TBPL2: variants seen among roughly 807,000 people sequenced by gnomAD.
TBPL2 encodes the protein TATA-box binding protein like 2, also known as TATA box-binding protein-like 2.
Under a neutral mutation model 38.2 loss-of-function variants are expected in TBPL2, and 40 were observed. The observed-to-expected ratio is 1.05, with a 90% CI of 0.81 to 1.36. The LOEUF is 1.36. Among genes scored for constraint, TBPL2 ranks in the 40% most tolerant of loss-of-function variants. The probability of loss-of-function intolerance (pLI) is 0.00; values close to 1 mark genes in which losing one functional copy is unlikely to be tolerated. For missense variants in TBPL2, 461 were observed against 456.7 expected (o/e 1.01, Z -0.09); for synonymous variants, 169 against 171.7 (o/e 0.98, Z 0.12).
chr14:55,426,879 C>A (rs1398181305), intron 5 of TBPL2, among the ~76,000 whole-genome samples: 1 of 152,178 alleles, frequency 6.6e-6, no homozygotes, highest in Non-Finnish European at 1.5e-5. Context: ...CTATTCTAGA[C>A]TTAGATCTGC....
intron 6 of TBPL2, among the ~76,000 whole-genome samples, chr14:55,420,828 G>A (rs762413873): frequency 6.6e-6 from 1 of 152,110 alleles, no homozygotes; most frequent in African/African-American, 2.4e-5. Flanking sequence ...GGGTGGCCGA[G>A]GCGGGTGGAT....
At chr14:55,414,275 G>A (rs947948674) in exon 7 of TBPL2, 6 of 867,472 alleles carry the variant, frequency 6.9e-6, no homozygotes, top group East Asian at 5.0e-5. Flanking sequence ...AATAAGTAAC[G>A]TACTTGTAAC....
At chr14:55,433,044 T>A (rs1885957077) in intron 4 of TBPL2, among the ~76,000 whole-genome samples, 3 of 152,198 alleles carry the variant, frequency 2.0e-5, no homozygotes, top group Non-Finnish European at 4.4e-5. Flanking sequence ...TTAAAAAAAA[T>A]TCACCTTAGA....
At chr14:55,419,244 A>T (rs1390623506) in intron 6 of TBPL2, among the ~76,000 whole-genome samples, 1 of 152,224 alleles carries the variant, frequency 6.6e-6, no homozygotes, top group Non-Finnish European at 1.5e-5. Flanking sequence ...GATATCGTTA[A>T]GTTTACTAAG....
At chr14:55,421,890 CT>C (rs752283914) in intron 6 of TBPL2, among the ~76,000 whole-genome samples, 3 of 152,154 alleles carry the variant, frequency 2.0e-5, no homozygotes, top group Non-Finnish European at 4.4e-5. Flanking sequence ...ACTTAATCAA[CT>C]TTTCTGAATT....
In TBPL2 at chr14:55,436,745, CGTCCT is replaced by C; in HGVS notation, c.419_423del (p.Gln140ArgfsTer21). ...CTGCTGCTGTTTAAGCCCAGCCCAACGTCCTGTTCGCTGGGTGATGGCAACCTACT... is the reference window on the plus strand; with the variant it reads ...CTGCTGCTGTTTAAGCCCAGCCCAACGTTCGCTGGGTGATGGCAACCTACT... On this transcript the variant is annotated frameshift_variant, in exon 2 of 7. Transcript: ENST00000247219. LOFTEE classifies it high-confidence loss of function. 1 of 1,614,194 alleles carries C rather than the reference CGTCCT, an allele frequency of 6.2e-7. No individual in the cohort carries two copies. The highest frequency in any genetic ancestry group is 8.5e-7 in the Non-Finnish European group (1 of 1,180,036).
chr14:55,440,485 A>C, exon 1 of TBPL2: 1 of 1,612,694 alleles, frequency 6.2e-7, no homozygotes, highest in Non-Finnish European at 8.5e-7. Context: ...GGGGGCGGGT[A>C]AGAGGGTAAG....
Position 55,435,874 on chromosome 14 carries a change from A to C in TBPL2, c.669T>G (p.His223Gln), listed in dbSNP as rs565292547. Residue 223 changes from histidine (H) to glutamine (Q), a missense_variant, in exon 3 of 7, where the codon CAT becomes CAG. His to Gln is a conservative substitution (Grantham distance 24, BLOSUM62 0). Transcript: ENST00000247219. ...TTGGGTTATATTCTGCATTTTTTGC[A>C]TGCAAAGCTATTTTCTTCAGATCCA... is the stretch of plus-strand genomic sequence containing the variant. 2.1e-5 allele frequency: 33 copies of C among 1,571,630 alleles called. No homozygotes were observed. The East Asian group carries it at 7.0e-4, about 33-fold the overall frequency.
chr14:55,424,422 A>G (rs1566591666), intron 5 of TBPL2, among the ~76,000 whole-genome samples, 169 bp from the exon 6 acceptor site: 2 of 152,236 alleles, frequency 1.3e-5, no homozygotes, highest in Non-Finnish European at 2.9e-5. Context: ...TGTCCTAGGT[A>G]ATATCTTATG....
intron 4 of TBPL2, among the ~76,000 whole-genome samples, chr14:55,433,305 T>TTC (rs1257039816): frequency 2.2e-3 from 260 of 118,568 alleles, no homozygotes; most frequent in African/African-American, 8.6e-3. Context: ...CTTTTTAGAT[T>TTC]TCTCTTTTTT....
chr14:55,427,744 C>T (rs565544881), intron 5 of TBPL2, among the ~76,000 whole-genome samples: 1 of 151,876 alleles, frequency 6.6e-6, no homozygotes, highest in Admixed American at 6.6e-5. Context: ...GCTGTTGAGA[C>T]GGGAAGTCTG....
chr14:55,426,173 A>G (rs1885818804), intron 5 of TBPL2, among the ~76,000 whole-genome samples: 1 of 152,016 alleles, frequency 6.6e-6, no homozygotes, highest in Non-Finnish European at 1.5e-5. Context: ...AGGCTGAGGC[A>G]GGAGAATCAC....
intron 3 of TBPL2, among the ~76,000 whole-genome samples, chr14:55,434,063 G>C (rs1354472399): frequency 1.3e-5 from 2 of 152,124 alleles, no homozygotes; most frequent in African/African-American, 4.8e-5. Flanking sequence ...AAGTGGTAAA[G>C]TTAAGATTCA....
intron 4 of TBPL2, among the ~76,000 whole-genome samples, chr14:55,430,638 C>G (rs1357344538): frequency 1.3e-5 from 2 of 152,120 alleles, no homozygotes; most frequent in Admixed American, 1.3e-4. Context: ...TCAAGTGACC[C>G]TCCCAACCTC....
In TBPL2 at chr14:55,433,607, G is replaced by T. The variant is rs553462297; in HGVS notation, c.788+23C>A. ...CATACTAAATTGTTTCTCTGGTAGG[G>T]GTGGAGGGATGATTCCTCATACCTT... is the stretch of plus-strand genomic sequence containing the variant. On this transcript the variant is annotated intron_variant, in intron 4 of 6. Transcript: ENST00000247219. The T allele has an allele frequency of 8.2e-6, 13 of 1,589,694 alleles. No individual in the cohort carries two copies. In the African/African-American group the frequency reaches 1.7e-4, roughly 21 times the overall value.
chr14:55,422,788 G>A (rs1483267214), intron 6 of TBPL2, among the ~76,000 whole-genome samples: 2 of 152,236 alleles, frequency 1.3e-5, no homozygotes, highest in Non-Finnish European at 2.9e-5. Context: ...TGGAGGTGGA[G>A]GTTGCAGTGA....
chr14:55,427,646 G>C (rs1231001090), intron 5 of TBPL2, among the ~76,000 whole-genome samples: 2 of 151,800 alleles, frequency 1.3e-5, no homozygotes, highest in African/African-American at 2.4e-5. Flanking sequence ...AAGGGGTTTG[G>C]TGTCCATGAG....
intron 6 of TBPL2, among the ~76,000 whole-genome samples, chr14:55,422,281 T>C (rs75436946): frequency 0.058 from 8,889 of 152,144 alleles, 337 homozygotes; most frequent in Non-Finnish European, 0.085. Context: ...GAGAGTGAAA[T>C]GTATAAAAAG....
rs1213328103 is a variant in TBPL2 at position 55,436,891 on chromosome 14, T to C, written c.278A>G (p.Asp93Gly). Reference sequence around the variant, plus strand: ...GAAGCTAAGATCCACAGATGAGAAATCACCAGATGTTTCTTTGACTTCAGG... The same window carrying C: ...GAAGCTAAGATCCACAGATGAGAAACCACCAGATGTTTCTTTGACTTCAGG... Residue 93 changes from aspartate to glycine, a missense_variant, in exon 2 of 7, where the codon GAT becomes GGT. Asp to Gly is a moderately conservative substitution (Grantham distance 94). Coordinates refer to ENST00000247219, the Ensembl canonical transcript of TBPL2. 3.7e-6 allele frequency: 6 copies of C among 1,614,104 alleles called. No homozygotes were observed. The highest frequency in any genetic ancestry group is 2.7e-5 in the African/African-American group (2 of 74,938).
Sources: allele counts gnomAD v4.1 joint callset (sites outside exome capture counted in the v4.1 genomes callset), GRCh38; gene constraint gnomAD v4.1.1; transcripts MANE v1.5; gene names NCBI Gene and HGNC (gene_info 2026-07-23, HGNC 2026-07-21).